Variants in DISC1 observed in about 807,000 individuals in gnomAD.
DISC1 encodes disrupted in schizophrenia 1 protein.
Under a neutral mutation model 84.5 loss-of-function variants are expected in DISC1, and 57 were observed. That is an observed-to-expected ratio of 0.67 (90% CI 0.55 to 0.84). DISC1 has a LOEUF of 0.84. Among genes scored for constraint, DISC1 ranks in the 40% least tolerant of loss-of-function variants. The pLI, the probability that DISC1 is intolerant of heterozygous loss-of-function variation, is 0.00. For missense variants in DISC1, 1,000 were observed against 1,057.8 expected (o/e 0.95, Z 0.76); for synonymous variants, 411 against 415.2 (o/e 0.99, Z 0.12).
intron 9 of DISC1, among the ~76,000 whole-genome samples, chr1:231,878,945 A>G (rs2146374): frequency 1.6e-4 from 25 of 152,222 alleles, no homozygotes; most frequent in African/African-American, 4.8e-4. Flanking sequence ...ATTGCTACTT[A>G]TAGCCATAAA....
chr1:231,910,701 T>A (rs181609487), intron 9 of DISC1, among the ~76,000 whole-genome samples: 42 of 152,234 alleles, frequency 2.8e-4, no homozygotes, highest in Middle Eastern at 3.4e-3. Flanking sequence ...CTGCTTGGTG[T>A]GGAGCTGAGT....
At chr1:231,808,526 C>T (rs1045601919) in intron 8 of DISC1, among the ~76,000 whole-genome samples, 7 of 152,206 alleles carry the variant, frequency 4.6e-5, no homozygotes, top group Non-Finnish European at 7.3e-5. Context: ...GTTCTGAGAG[C>T]CCCCAGCTAA....
intron 1 of DISC1, among the ~76,000 whole-genome samples, chr1:231,638,736 T>C (rs1322305199): frequency 6.6e-6 from 1 of 152,202 alleles, no homozygotes; most frequent in Non-Finnish European, 1.5e-5. Flanking sequence ...TTGTTACCTA[T>C]TGCTGTGTTT....
chr1:231,971,612 C>A (rs1323222443), intron 10 of DISC1, among the ~76,000 whole-genome samples: 1 of 152,214 alleles, frequency 6.6e-6, no homozygotes, highest in African/African-American at 2.4e-5. Context: ...TACAAGGGAG[C>A]GAGCTGCAGA....
At chr1:231,763,312 G>A (rs1435232522) in intron 4 of DISC1, among the ~76,000 whole-genome samples, 6 of 152,214 alleles carry the variant, frequency 3.9e-5, no homozygotes, top group Non-Finnish European at 5.9e-5. Flanking sequence ...GGTCTGTAAT[G>A]AGAAGCGAAT....
intron 8 of DISC1, among the ~76,000 whole-genome samples, chr1:231,804,000 C>T (rs2079510436): frequency 6.9e-6 from 1 of 145,856 alleles, no homozygotes; most frequent in African/African-American, 2.5e-5. Flanking sequence ...TAGGACTTAG[C>T]CTTCAAAGTC....
At chr1:231,841,639 C>A (rs1222339541) in intron 9 of DISC1, among the ~76,000 whole-genome samples, 2 of 152,210 alleles carry the variant, frequency 1.3e-5, no homozygotes, top group African/African-American at 4.8e-5. Flanking sequence ...AATTTGGCTT[C>A]TTTTCAAGGA....
chr1:231,819,081 T>G (rs531722909), intron 9 of DISC1: 5 of 986,696 alleles, frequency 5.1e-6, no homozygotes, highest in South Asian at 9.4e-5. Context: ...TAGGAGTAAC[T>G]GAGCTTACTC....
At chr1:231,700,007 C>A (rs890231977) in intron 2 of DISC1, among the ~76,000 whole-genome samples, 3 of 152,222 alleles carry the variant, frequency 2.0e-5, no homozygotes, top group African/African-American at 7.2e-5. Context: ...TTCTCCCAGA[C>A]AGCCTCGTGG....
chr1:231,632,833 G>A (rs1029698309), intron 1 of DISC1, among the ~76,000 whole-genome samples: 3 of 152,152 alleles, frequency 2.0e-5, no homozygotes, highest in Non-Finnish European at 4.4e-5. Flanking sequence ...CAGTTTGGGA[G>A]GCCAAGGTGG....
Position 231,770,873 on chromosome 1 carries a change from G to A in DISC1, c.1437G>A (p.Leu479=). The change falls in exon 6 of 13, where the codon CTG becomes CTA. Residue 479 remains leucine (L), a synonymous_variant. Transcript: ENST00000439617. ...IEALQARMFV[L]EAKDQQLRRE... Reference sequence around the variant, plus strand: ...CTCTCCAAGCAAGGATGTTTGTGCTGGAAGCCAAAGATCAACAGCTGAGAA... The same window carrying A: ...CTCTCCAAGCAAGGATGTTTGTGCTAGAAGCCAAAGATCAACAGCTGAGAA... The A allele has an allele frequency of 6.2e-7, 1 of 1,614,198 alleles. No individual in the cohort carries two copies. Among genetic ancestry groups the A allele is most frequent in the Non-Finnish European group, 8.5e-7 (1 of 1,180,042 alleles).
chr1:231,652,106 A>T (rs1324790038), intron 1 of DISC1, among the ~76,000 whole-genome samples: 1 of 152,070 alleles, frequency 6.6e-6, no homozygotes, highest in Non-Finnish European at 1.5e-5. Flanking sequence ...CCACTCTCCA[A>T]CCAGTCCCAA....
intron 9 of DISC1, among the ~76,000 whole-genome samples, chr1:231,824,893 T>TCCAC (rs1345708853): frequency 6.9e-6 from 1 of 144,212 alleles, no homozygotes; most frequent in Non-Finnish European, 1.5e-5. Context: ...CATCCATCCA[T>TCCAC]CCATCCATCC....
intron 2 of DISC1, among the ~76,000 whole-genome samples, chr1:231,696,393 C>T (rs2065708299): frequency 6.6e-6 from 1 of 152,224 alleles, no homozygotes; most frequent in African/African-American, 2.4e-5. Flanking sequence ...AGAGAAATAG[C>T]TCCAATTTAG....
At chr1:231,649,476 A>G (rs1323666128) in intron 1 of DISC1, among the ~76,000 whole-genome samples, 4 of 152,180 alleles carry the variant, frequency 2.6e-5, no homozygotes, top group Non-Finnish European at 5.9e-5. Context: ...TTTACTTCCA[A>G]TTATGTGGTC....
At chr1:231,724,062 G>A in intron 3 of DISC1, 3 of 976,768 alleles carry the variant, frequency 3.1e-6, no homozygotes, top group Non-Finnish European at 3.6e-6. Context: ...GTGAATGTTG[G>A]TCTTCATCCT....
chr1:231,917,615 G>A (rs184375985), intron 9 of DISC1, among the ~76,000 whole-genome samples: 91 of 152,288 alleles, frequency 6.0e-4, no homozygotes, highest in African/African-American at 2.2e-3. Context: ...GTTCCTTCCT[G>A]CTCTGGATCT....
intron 3 of DISC1, chr1:231,722,481 G>A (rs903911959): frequency 6.2e-7 from 1 of 1,612,248 alleles, no homozygotes; most frequent in African/African-American, 1.3e-5. Context: ...GTTAGTCCCA[G>A]TCAAGGATGT....
intron 9 of DISC1, among the ~76,000 whole-genome samples, chr1:231,833,323 CAG>C (rs2082384215): frequency 6.6e-6 from 1 of 151,400 alleles, no homozygotes; most frequent in South Asian, 2.1e-4. Flanking sequence ...GCAAGGGAAA[CAG>C]GCCCTTGAAA....
Sources: allele counts gnomAD v4.1 joint callset (sites outside exome capture counted in the v4.1 genomes callset), GRCh38; gene constraint gnomAD v4.1.1; transcripts MANE v1.5; gene names NCBI Gene and HGNC (gene_info 2026-07-23, HGNC 2026-07-21).